The following FCHSD2 variants were observed in gnomAD, a reference collection of about 807,000 sequenced individuals.
FCHSD2 encodes the protein F-BAR and double SH3 domains protein 2.
In FCHSD2, 38 loss-of-function variants were observed where a neutral mutation model predicts 108.1. The observed-to-expected ratio is 0.35, with a 90% CI of 0.27 to 0.46. FCHSD2 has a LOEUF of 0.46. FCHSD2 is among the 20% of genes least tolerant of loss of function. The pLI, the probability that FCHSD2 is intolerant of heterozygous loss-of-function variation, is 1.00. For synonymous variants in FCHSD2, 279 were observed against 314.7 expected (o/e 0.89, Z 1.20); for missense variants, 751 against 897.8 (o/e 0.84, Z 2.09).
intron 5 of FCHSD2, among the ~76,000 whole-genome samples, chr11:72,991,679 A>T (rs1023029988): frequency 5.3e-5 from 8 of 152,204 alleles, no homozygotes; most frequent in African/African-American, 1.9e-4. Flanking sequence ...ATCTCAATAG[A>T]TGTAGAAAAG....
At chr11:73,097,789 T>C (rs1421611736) in intron 2 of FCHSD2, among the ~76,000 whole-genome samples, 1 of 152,116 alleles carries the variant, frequency 6.6e-6, no homozygotes, top group African/African-American at 2.4e-5. Flanking sequence ...ATCCTTTTAG[T>C]TTCTGTAAGG....
At chr11:73,116,486 ATG>A (rs1011855045) in intron 2 of FCHSD2, among the ~76,000 whole-genome samples, 1 of 152,094 alleles carries the variant, frequency 6.6e-6, no homozygotes, top group Non-Finnish European at 1.5e-5. Flanking sequence ...AATTGCAAAA[ATG>A]TCTTTTCTGG....
chr11:73,077,932 C>T (rs1358976200), intron 3 of FCHSD2, among the ~76,000 whole-genome samples: 1 of 151,988 alleles, frequency 6.6e-6, no homozygotes, highest in Non-Finnish European at 1.5e-5. Context: ...TTTTTTAAGT[C>T]AGTATAGTAG....
At chr11:72,989,217 G>A (rs1189568669) in intron 5 of FCHSD2, 120 bp from the exon 6 acceptor site, 13 of 657,386 alleles carry the variant, frequency 2.0e-5, no homozygotes, top group African/African-American at 7.3e-5. Context: ...AAGTCAGTAC[G>A]TTCAGTGTCC....
chr11:72,881,394 C>A (rs1855083471), intron 12 of FCHSD2, among the ~76,000 whole-genome samples: 1 of 152,128 alleles, frequency 6.6e-6, no homozygotes, highest in Non-Finnish European at 1.5e-5. Context: ...ATAACAAGTG[C>A]TAGTGAAGAT....
intron 18 of FCHSD2, 141 bp downstream of exon 18, chr11:72,841,313 C>T: frequency 2.3e-6 from 2 of 861,390 alleles, no homozygotes; most frequent in Non-Finnish European, 3.4e-6. Flanking sequence ...CCTGGGTGTC[C>T]AGCCCAGGTG....
At chr11:72,855,501 A>C (rs1415329853) in intron 13 of FCHSD2, among the ~76,000 whole-genome samples, 1 of 152,118 alleles carries the variant, frequency 6.6e-6, no homozygotes, top group African/African-American at 2.4e-5. Context: ...CTGGAGATGG[A>C]TGGATGGTGG....
At chr11:73,028,051 G>C (rs1224497102) in intron 3 of FCHSD2, among the ~76,000 whole-genome samples, 3 of 152,238 alleles carry the variant, frequency 2.0e-5, no homozygotes, top group African/African-American at 7.2e-5. Flanking sequence ...ACCTCTTCTA[G>C]GGCACTACAG....
intron 2 of FCHSD2, among the ~76,000 whole-genome samples, chr11:73,110,339 G>A (rs373952785): frequency 2.6e-4 from 40 of 152,116 alleles, no homozygotes; most frequent in South Asian, 8.3e-4. Context: ...TTTGCTAGGC[G>A]ATATTTTATT....
intron 9 of FCHSD2, among the ~76,000 whole-genome samples, chr11:72,920,443 T>TA (rs921259651): frequency 6.6e-6 from 1 of 152,036 alleles, no homozygotes; most frequent in Admixed American, 6.6e-5. Flanking sequence ...CAAATAAACA[T>TA]AAAAAATTTG....
At chr11:73,125,703 G>T (rs997174333) in intron 2 of FCHSD2, among the ~76,000 whole-genome samples, 3 of 145,634 alleles carry the variant, frequency 2.1e-5, no homozygotes, top group Non-Finnish European at 4.5e-5. Flanking sequence ...CCTGTCTCAA[G>T]ACAAAAAAAA....
chr11:73,100,809 C>T (rs937453519), intron 2 of FCHSD2, among the ~76,000 whole-genome samples: 5 of 151,858 alleles, frequency 3.3e-5, no homozygotes, highest in African/African-American at 1.2e-4. Flanking sequence ...TATTATCATT[C>T]GTTTCTCTTT....
chr11:73,118,222 G>A (rs538553497), intron 2 of FCHSD2, among the ~76,000 whole-genome samples: 85 of 152,252 alleles, frequency 5.6e-4, no homozygotes, highest in Non-Finnish European at 1.0e-3. Flanking sequence ...GGGAGGCTGA[G>A]GCAGGAAAAT....
intron 2 of FCHSD2, among the ~76,000 whole-genome samples, chr11:73,130,906 C>T (rs575582594): frequency 3.3e-5 from 5 of 152,072 alleles, no homozygotes; most frequent in African/African-American, 1.2e-4. Flanking sequence ...AAGTGTAGCC[C>T]TACTTGATCT....
At chr11:73,119,250 C>G (rs1860675815) in intron 2 of FCHSD2, among the ~76,000 whole-genome samples, 1 of 151,204 alleles carries the variant, frequency 6.6e-6, no homozygotes, top group Admixed American at 6.6e-5. Context: ...TTGTAGTGAG[C>G]CAAGATCATG....
intron 2 of FCHSD2, among the ~76,000 whole-genome samples, chr11:73,104,418 C>T (rs1860292747): frequency 6.6e-6 from 1 of 152,118 alleles, no homozygotes; most frequent in Non-Finnish European, 1.5e-5. Context: ...TACAGACGCA[C>T]ACCACCATGC....
At chr11:72,950,642 G>C (rs992003130) in intron 8 of FCHSD2, among the ~76,000 whole-genome samples, 1 of 152,190 alleles carries the variant, frequency 6.6e-6, no homozygotes, top group Non-Finnish European at 1.5e-5. Context: ...ACTGATGTAT[G>C]ATTAGTAGTC....
At position 73,068,595 on chromosome 11, in the gene FCHSD2, T is replaced by A. The variant is rs540445327; in HGVS notation, c.165+15100A>T. 2.6e-5 allele frequency among the ~76,000 whole-genome samples: 4 copies of A among 152,184 alleles called. No homozygotes were observed. The South Asian group carries it at 8.3e-4, about 32-fold the overall frequency. ...TATATATTTTTGGTTTAAAGTTTTA[T>A]CAGTTTTTATACAGTTAACAAAATT... On this transcript the variant is annotated intron_variant, in intron 3 of 19. Transcript: ENST00000409418.
At chr11:73,026,365 C>T (rs1858229289) in intron 3 of FCHSD2, among the ~76,000 whole-genome samples, 1 of 152,142 alleles carries the variant, frequency 6.6e-6, no homozygotes, top group South Asian at 2.1e-4. Context: ...ATTACAGTTG[C>T]TCTTGCCACT....
Sources: gnomAD v4.1 joint callset for allele counts (sites outside exome capture counted in the v4.1 genomes callset) on GRCh38, gnomAD v4.1.1 for gene constraint, MANE v1.5 for transcripts, NCBI Gene and HGNC (gene_info 2026-07-23, HGNC 2026-07-21) for gene names.